PLEKHA7: variants seen among roughly 807,000 people sequenced by gnomAD.
PLEKHA7 encodes the protein pleckstrin homology domain containing A7.
A neutral mutation model predicts 170.0 loss-of-function variants in PLEKHA7; 104 were observed. The ratio of observed to expected loss-of-function variants is 0.61; its 90% CI spans 0.52 to 0.72. The LOEUF (loss-of-function observed/expected upper bound fraction) is 0.72, where lower values mean the gene tolerates loss of function less well. Ranked by LOEUF, PLEKHA7 falls within the 30% of genes least tolerant of loss-of-function variation. PLEKHA7 has a pLI of 0.00. For synonymous variants in PLEKHA7, 648 were observed against 660.8 expected (o/e 0.98, Z 0.30); for missense variants, 1,615 against 1,671.7 (o/e 0.97, Z 0.59).
At chr11:16,942,177 C>T (rs905356198) in intron 3 of PLEKHA7, among the ~76,000 whole-genome samples, 5 of 152,158 alleles carry the variant, frequency 3.3e-5, no homozygotes, top group East Asian at 1.9e-4. Context: ...CTAGTGATAG[C>T]GGAATTCAAA....
intron 3 of PLEKHA7, among the ~76,000 whole-genome samples, chr11:16,923,710 G>A (rs192556643): frequency 2.0e-5 from 3 of 152,090 alleles, no homozygotes; most frequent in South Asian, 2.1e-4. Flanking sequence ...GCCTTCCTGC[G>A]CTCCTTGCCT....
chr11:16,792,133 A>G (rs1242038187), intron 19 of PLEKHA7, among the ~76,000 whole-genome samples: 1 of 151,778 alleles, frequency 6.6e-6, no homozygotes, highest in Non-Finnish European at 1.5e-5. Flanking sequence ...TGCCTAAGAT[A>G]CGCACTGGTT....
intron 10 of PLEKHA7, among the ~76,000 whole-genome samples, chr11:16,822,754 A>T (rs1322914469): frequency 6.6e-6 from 1 of 152,104 alleles, no homozygotes; most frequent in Admixed American, 6.5e-5. Flanking sequence ...GAGGATTCTT[A>T]GTCCTGGCTG....
Position 16,964,015 on chromosome 11 carries a change from T to C in PLEKHA7, c.221+49974A>G, listed in dbSNP as rs1433462014. Among the ~76,000 whole-genome samples, 4 of 152,344 alleles carry C rather than the reference T, an allele frequency of 2.6e-5. No homozygotes were observed. The South Asian group carries it at 8.3e-4, about 32-fold the overall frequency. On this transcript the variant is annotated intron_variant, in intron 3 of 26. Transcript: ENST00000531066. ...CCCTAGAAACCTCTAATCTACTTTC[T>C]GTTTCTATGTATTTGGCTATTCTAG...
At chr11:16,790,637 A>G in intron 21 of PLEKHA7, 161 bp downstream of exon 21, 3 of 642,606 alleles carry the variant, frequency 4.7e-6, no homozygotes, top group Non-Finnish European at 8.1e-6. Flanking sequence ...GGCCAGAGGA[A>G]GACAGGCCAG....
chr11:16,889,232 A>G (rs1360332529), intron 3 of PLEKHA7, among the ~76,000 whole-genome samples: 2 of 151,432 alleles, frequency 1.3e-5, no homozygotes, highest in Non-Finnish European at 2.9e-5. Flanking sequence ...TCTCCCCACC[A>G]TGTACCTTGT....
At position 16,790,846 on chromosome 11, in the gene PLEKHA7, G is replaced by C; in HGVS notation, c.3004C>G (p.Leu1002Val). The C allele has an allele frequency of 6.2e-7, 1 of 1,610,132 alleles. No individual in the cohort carries two copies. Among genetic ancestry groups the C allele is most frequent in the African/African-American group, 1.3e-5 (1 of 74,918 alleles). The stretch of plus-strand genomic sequence containing the variant: ...CTGCTCTCAGGGCCCACAAGTCCTA[G>C]GGAGGGCTGGGCCATGTCCCCGCTG... ...TLSGDMAQPSLGLVGPESRYQ... is the reference protein window; with the variant it reads ...TLSGDMAQPSVGLVGPESRYQ... The change falls in exon 21 of 27, where the codon CTA (leucine) becomes GTA (valine). Residue 1002 changes from leucine to valine, a missense_variant. By Grantham distance (32) the Leu-to-Val change is conservative. Coordinates refer to ENST00000531066, the MANE Select transcript of PLEKHA7 (RefSeq NM_001329630.2).
At chr11:16,780,372 T>C (rs1317764194) in intron 26 of PLEKHA7, among the ~76,000 whole-genome samples, 1 of 152,232 alleles carries the variant, frequency 6.6e-6, no homozygotes, top group Non-Finnish European at 1.5e-5. Flanking sequence ...CAATTTCACA[T>C]TGCCCTGGGC....
At chr11:16,943,263 T>C (rs1860807579) in intron 3 of PLEKHA7, among the ~76,000 whole-genome samples, 1 of 152,218 alleles carries the variant, frequency 6.6e-6, no homozygotes, top group Non-Finnish European at 1.5e-5. Flanking sequence ...CTTTACTTTT[T>C]TTTTTTCTAG....
Position 16,789,400 on chromosome 11 carries a change from C to T in PLEKHA7, c.3157-104G>A. On this transcript the variant is annotated intron_variant, in intron 22 of 26. Transcript: ENST00000531066. The surrounding 1 kb of genome is among the most constrained non-coding windows in gnomAD (Gnocchi z 4.6). Reference sequence around the variant, plus strand: ...ATTCCCGTTGTCTCTCTCTCACACACATGCACACTCTAGTTGGGCTCCTCT... The same window carrying T: ...ATTCCCGTTGTCTCTCTCTCACACATATGCACACTCTAGTTGGGCTCCTCT... 1 of 1,078,670 alleles carries T rather than the reference C, an allele frequency of 9.3e-7. No homozygotes were observed. Among genetic ancestry groups the T allele is most frequent in the Non-Finnish European group, 1.4e-6 (1 of 721,026 alleles). 66.8% of individuals were successfully genotyped at this position (1,078,670 alleles called of 1,614,324 possible).
chr11:16,913,489 C>T (rs1203827531), intron 3 of PLEKHA7, among the ~76,000 whole-genome samples: 1 of 152,206 alleles, frequency 6.6e-6, no homozygotes, highest in Admixed American at 6.5e-5. Flanking sequence ...TAACATAAGG[C>T]TGGCAGCTGG....
Position 16,803,370 on chromosome 11 carries a change from A to T in PLEKHA7, c.2008-75T>A, listed in dbSNP as rs1848733213. On this transcript the variant is annotated intron_variant, in intron 13 of 26. Transcript: ENST00000531066. ...GAACTCAGGAAAGAAAATTCATCCT[A>T]TAATGGATGGTGTGGAAGTCCTTGG... 2.8e-6 allele frequency: 4 copies of T among 1,452,896 alleles called. No individual in the cohort carries two copies. In the Admixed American group the frequency reaches 6.8e-5, roughly 25 times the overall value. The allele number at this position is 1,452,896 out of a possible 1,614,324, so 90.0% of individuals were successfully genotyped here. A position where few individuals can be genotyped will look rare whatever the true frequency, so the allele number is the denominator to read the frequency against.
intron 3 of PLEKHA7, among the ~76,000 whole-genome samples, chr11:16,989,083 C>G (rs1268753968): frequency 6.6e-6 from 1 of 152,254 alleles, no homozygotes; most frequent in Non-Finnish European, 1.5e-5. Context: ...CATCTGTGAT[C>G]TCCCCAGAGC....
chr11:16,826,671 G>C (rs541636622), intron 9 of PLEKHA7, 81 bp from the exon 10 acceptor site: 5 of 1,284,628 alleles, frequency 3.9e-6, no homozygotes, highest in Non-Finnish European at 5.5e-6. Context: ...ATCACCTGCA[G>C]GCCTTTGCAC....
rs1381269909 is a variant in PLEKHA7 at position 16,817,104 on chromosome 11, C to T, written c.1562G>A (p.Trp521Ter). 1 of 1,614,068 alleles carries T rather than the reference C, an allele frequency of 6.2e-7. No homozygotes were observed. The highest frequency in any genetic ancestry group is 8.5e-7 in the Non-Finnish European group (1 of 1,179,966). ...ERRAHRDGTVWQLYEWQQRQQ... is the reference protein window; with the variant it reads ...ERRAHRDGTV ...GCGCTGCTGCCACTCGTAGAGCTGC[C>T]ACACGGTGCCATCCCGGTGCGCCCG... is the stretch of plus-strand genomic sequence containing the variant. The change falls in exon 11 of 27, where the codon TGG (tryptophan) becomes TAG (stop). Residue 521 changes from tryptophan (W) to a stop codon, truncating the protein, a stop_gained. Coordinates refer to ENST00000531066, the MANE Select transcript of PLEKHA7 (RefSeq NM_001329630.2). LOFTEE classifies it high-confidence loss of function. This position sits in a 1 kb window ranked among gnomAD's most constrained non-coding sequence, Gnocchi z 4.4.
intron 4 of PLEKHA7, among the ~76,000 whole-genome samples, chr11:16,863,067 G>A (rs1359821210): frequency 2.6e-5 from 4 of 152,050 alleles, no homozygotes; most frequent in Non-Finnish European, 4.4e-5. Flanking sequence ...TAAATCTCAC[G>A]CCAGCTTTAC....
chr11:17,010,643 TA>T (rs1453487680), intron 3 of PLEKHA7, among the ~76,000 whole-genome samples: 2 of 152,214 alleles, frequency 1.3e-5, no homozygotes, highest in Admixed American at 1.3e-4. Context: ...TTTAATCTGC[TA>T]AATATGAGGA....
intron 3 of PLEKHA7, among the ~76,000 whole-genome samples, chr11:16,927,202 G>A (rs1203376084): frequency 6.6e-6 from 1 of 152,158 alleles, no homozygotes; most frequent in Non-Finnish European, 1.5e-5. Flanking sequence ...AATAAAATGA[G>A]AGGTTGGATT....
intron 10 of PLEKHA7, among the ~76,000 whole-genome samples, chr11:16,821,604 T>C (rs1306488323): frequency 2.0e-5 from 3 of 152,206 alleles, no homozygotes; most frequent in East Asian, 1.9e-4. Context: ...GTCTTGATGA[T>C]ATGCAAAGCA....
Sources: gnomAD v4.1 joint callset for allele counts (sites outside exome capture counted in the v4.1 genomes callset) on GRCh38, gnomAD v4.1.1 for gene constraint, Gnocchi (gnomAD v3.1) non-coding constraint, MANE v1.5 for transcripts, NCBI Gene and HGNC (gene_info 2026-07-23, HGNC 2026-07-21) for gene names.